RANBP2: variants seen among roughly 807,000 people sequenced by gnomAD.
The protein encoded by RANBP2 is RAN binding protein 2.
In RANBP2, 57 loss-of-function variants were observed where a neutral mutation model predicts 303.6. The ratio of observed to expected loss-of-function variants is 0.19; its 90% CI spans 0.15 to 0.23. The LOEUF (loss-of-function observed/expected upper bound fraction) is 0.23. Among genes scored for constraint, RANBP2 ranks in the 10% least tolerant of loss-of-function variants. The pLI is 1.00. For synonymous variants in RANBP2, 1,167 were observed against 1,301.5 expected, an observed-to-expected ratio of 0.90 and a Z score of 2.23; for missense variants, 3,138 against 3,780.8, an observed-to-expected ratio of 0.83 and a Z score of 4.46.
At chr2:109,086,098 G>T in the RANBP2 span, among the ~76,000 whole-genome samples, 1 of 152,192 alleles carries the variant, frequency 6.6e-6, no homozygotes, top group Non-Finnish European at 1.5e-5. Context: ...TGTAGCATGT[G>T]TCAGAGTTTC....
chr2:109,567,252 G>C, the RANBP2 span, among the ~76,000 whole-genome samples: 4 of 152,122 alleles, frequency 2.6e-5, no homozygotes, highest in African/African-American at 9.7e-5. Context: ...GGCCAACCAA[G>C]CCTGTCAGAT....
chr2:109,684,994 C>T, the RANBP2 span, among the ~76,000 whole-genome samples: 1 of 152,028 alleles, frequency 6.6e-6, no homozygotes, highest in Admixed American at 6.6e-5. Flanking sequence ...CAGCCTCAGC[C>T]TCCCGAGTAG....
the RANBP2 span, among the ~76,000 whole-genome samples, chr2:108,866,631 T>G: frequency 1.3e-5 from 2 of 152,182 alleles, no homozygotes; most frequent in East Asian, 1.9e-4. Context: ...ATGCCTGTAA[T>G]CCCAGCACTT....
the RANBP2 span, among the ~76,000 whole-genome samples, chr2:109,433,362 A>G: frequency 4.6e-5 from 7 of 152,238 alleles, no homozygotes; most frequent in Non-Finnish European, 8.8e-5. Flanking sequence ...ATAAGTTCTC[A>G]GTTCTACTAC....
chr2:109,154,009 A>T, the RANBP2 span, among the ~76,000 whole-genome samples: 6 of 152,246 alleles, frequency 3.9e-5, no homozygotes, highest in African/African-American at 1.4e-4. Context: ...TGACCTGGTC[A>T]GTGATTCTGG....
At chr2:108,911,755 C>T in the RANBP2 span, among the ~76,000 whole-genome samples, 4 of 152,222 alleles carry the variant, frequency 2.6e-5, no homozygotes, top group East Asian at 7.7e-4. Context: ...CCAGATTTGC[C>T]ACCACCCAAA....
the RANBP2 span, among the ~76,000 whole-genome samples, chr2:109,138,984 C>T: frequency 1.3e-5 from 2 of 152,166 alleles, no homozygotes; most frequent in African/African-American, 2.4e-5. Flanking sequence ...TAATAAGAGA[C>T]ATGAAGACAA....
chr2:109,615,203 C>T, the RANBP2 span: 2 of 1,547,056 alleles, frequency 1.3e-6, no homozygotes, highest in Non-Finnish European at 1.7e-6. Flanking sequence ...GCGGCAGAGG[C>T]GGGGGCGACT....
the RANBP2 span, among the ~76,000 whole-genome samples, chr2:108,936,687 A>C: frequency 0.015 from 2,236 of 152,286 alleles, 27 homozygotes; most frequent in South Asian, 0.03. Context: ...CCATCAGAGC[A>C]GCTGAAAACA....
the RANBP2 span, among the ~76,000 whole-genome samples, chr2:109,027,168 G>A: frequency 6.6e-6 from 1 of 151,556 alleles, no homozygotes; most frequent in African/African-American, 2.4e-5. Context: ...CTAGAATCCT[G>A]GAGGCGGAGG....
chr2:109,413,639 G>A, the RANBP2 span, among the ~76,000 whole-genome samples: 1 of 152,132 alleles, frequency 6.6e-6, no homozygotes, highest in African/African-American at 2.4e-5. Context: ...GAACGTCTCT[G>A]GCCCCCACAT....
At chr2:109,387,551 A>G in the RANBP2 span, among the ~76,000 whole-genome samples, 1 of 152,174 alleles carries the variant, frequency 6.6e-6, no homozygotes, top group Non-Finnish European at 1.5e-5. Flanking sequence ...CCCAGATGTG[A>G]TGGGGCCAGC....
At chr2:109,285,436 C>T in the RANBP2 span, among the ~76,000 whole-genome samples, 3 of 152,230 alleles carry the variant, frequency 2.0e-5, no homozygotes, top group Admixed American at 2.0e-4. Flanking sequence ...TTCTCCAGTG[C>T]AGTGTGCCTG....
At chr2:109,703,776 G>A in the RANBP2 span, among the ~76,000 whole-genome samples, 4 of 152,138 alleles carry the variant, frequency 2.6e-5, no homozygotes, top group African/African-American at 7.2e-5. Context: ...TGTTTTTCCA[G>A]CTGAGCCTTC....
the RANBP2 span, among the ~76,000 whole-genome samples, chr2:109,713,039 AG>A: frequency 1.3e-5 from 2 of 152,074 alleles, no homozygotes; most frequent in East Asian, 3.9e-4. Context: ...GGGTACACTG[AG>A]GGGAGGGCCA....
chr2:109,692,373 G>A, the RANBP2 span, among the ~76,000 whole-genome samples: 4 of 152,154 alleles, frequency 2.6e-5, no homozygotes, highest in East Asian at 1.9e-4. Flanking sequence ...AAGTGGTTAC[G>A]GTGGTGGCAG....
At chr2:108,800,608 C>CTTTTTTTTTTTT in the RANBP2 span, among the ~76,000 whole-genome samples, 7 of 33,486 alleles carry the variant, frequency 2.1e-4, no homozygotes, top group African/African-American at 2.8e-4. Context: ...CTCAGTTTAG[C>CTTTTTTTTTTTT]TTTTTTTTTT....
chr2:109,519,702 G>A, the RANBP2 span, among the ~76,000 whole-genome samples: 1 of 152,166 alleles, frequency 6.6e-6, no homozygotes, highest in African/African-American at 2.4e-5. Context: ...TTCATTGAGA[G>A]GCCCAGACCC....
chr2:109,527,497 C>A, the RANBP2 span, among the ~76,000 whole-genome samples: 2 of 152,164 alleles, frequency 1.3e-5, no homozygotes, highest in African/African-American at 2.4e-5. Context: ...GACTGGAAGA[C>A]CCCCAAGAGG....
Sources: allele counts gnomAD v4.1 joint callset (sites outside exome capture counted in the v4.1 genomes callset), GRCh38; gene constraint gnomAD v4.1.1; transcripts MANE v1.5; gene names NCBI Gene and HGNC (gene_info 2026-07-23, HGNC 2026-07-21).